ADGB: variants seen among roughly 807,000 people sequenced by gnomAD.
ADGB encodes calpain-7-like protein.
In ADGB, 172 loss-of-function variants were observed where a neutral mutation model predicts 210.5. The ratio of observed to expected loss-of-function variants is 0.82; its 90% CI spans 0.72 to 0.93. ADGB has a LOEUF of 0.93. Ranked by LOEUF, ADGB falls within the 40% of genes least tolerant of loss-of-function variation. The probability of loss-of-function intolerance (pLI) is 0.00; values close to 1 mark genes in which losing one functional copy is unlikely to be tolerated. For missense variants in ADGB, 2,025 were observed against 1,964.8 expected (o/e 1.03, Z -0.58); for synonymous variants, 658 against 662.7 (o/e 0.99, Z 0.11).
chr6:146,731,930 C>G (rs1452306041), intron 20 of ADGB, among the ~76,000 whole-genome samples: 1 of 152,138 alleles, frequency 6.6e-6, no homozygotes. Flanking sequence ...GCCAATCTTA[C>G]TTGCAACTTT....
chr6:146,621,037 A>G (rs535643656), intron 1 of ADGB, among the ~76,000 whole-genome samples: 20 of 152,304 alleles, frequency 1.3e-4, no homozygotes, highest in South Asian at 1.2e-3. Context: ...ACACTGCACT[A>G]TAACTAACAT....
intron 3 of ADGB, among the ~76,000 whole-genome samples, chr6:146,648,709 G>C (rs543117683): frequency 1.3e-5 from 2 of 151,490 alleles, no homozygotes; most frequent in Non-Finnish European, 2.9e-5. Flanking sequence ...ATTAGATTTG[G>C]GTGGGGACAC....
chr6:146,741,047 G>T, intron 24 of ADGB, 71 bp from the exon 25 acceptor site: 1 of 1,247,064 alleles, frequency 8.0e-7, no homozygotes, highest in Non-Finnish European at 1.1e-6. Context: ...AAATTTCTTG[G>T]CATTAATGCA....
At chr6:146,796,634 A>C (rs1182565421) in intron 33 of ADGB, among the ~76,000 whole-genome samples, 1 of 152,194 alleles carries the variant, frequency 6.6e-6, no homozygotes, top group Non-Finnish European at 1.5e-5. Context: ...TTTTCAACAA[A>C]TGGTGCTGGG....
intron 29 of ADGB, among the ~76,000 whole-genome samples, chr6:146,776,773 A>G (rs259412): frequency 0.46 from 70,480 of 152,010 alleles, 17,902 homozygotes; most frequent in Admixed American, 0.59. Context: ...CAGTGGGTGT[A>G]TGATACCAGA....
At chr6:146,783,441 C>A (rs1338310982) in intron 30 of ADGB, among the ~76,000 whole-genome samples, 1 of 152,092 alleles carries the variant, frequency 6.6e-6, no homozygotes, top group Non-Finnish European at 1.5e-5. Context: ...AGAAGACCTC[C>A]CTTAGTACCT....
chr6:146,739,333 T>C (rs565396398), intron 23 of ADGB, among the ~76,000 whole-genome samples: 2 of 152,270 alleles, frequency 1.3e-5, no homozygotes, highest in African/African-American at 4.8e-5. Flanking sequence ...AACTAGGACA[T>C]TGACAAGAAA....
rs115019191 is a variant in ADGB, at chr6:146,690,509, A to G, written c.1312-607A>G. 4.1e-3 allele frequency among the ~76,000 whole-genome samples: 621 copies of G among 152,260 alleles called. 2 individuals carry two copies. The highest frequency in any genetic ancestry group is 0.014 in the African/African-American group (599 of 41,562). On this transcript the variant is annotated intron_variant, in intron 10 of 35. Transcript: ENST00000397944. The stretch of plus-strand genomic sequence containing the variant: ...GCCGTAAATCAGTAACGTAAGTTCT[A>G]CTTAGCTGTTATTCTGAATTATTCC...
At chr6:146,660,768 A>G (rs1775843955) in intron 5 of ADGB, among the ~76,000 whole-genome samples, 1 of 152,146 alleles carries the variant, frequency 6.6e-6, no homozygotes, top group African/African-American at 2.4e-5. Context: ...TACCATATGG[A>G]GTTATTCCAT....
At position 146,733,938 on chromosome 6, in the gene ADGB, A is replaced by T; in HGVS notation, c.2702A>T (p.Glu901Val). Residue 901 changes from glutamate (E) to valine (V), a missense_variant, in exon 22 of 36, where the codon GAG (glutamate) becomes GTG (valine). Glu to Val is a moderately radical substitution (Grantham distance 121). Transcript: ENST00000397944. ...TATTGTATGCCCACAAGTGATAAAG[A>T]GTATTCTGCTGAGGAAGTAGCAGCA... ...VKYCMPTSDK[E>V]YSAEEVAAAI... 2 of 1,551,718 alleles carry T rather than the reference A, an allele frequency of 1.3e-6. No homozygotes were observed. The highest frequency in any genetic ancestry group is 1.7e-6 in the Non-Finnish European group (2 of 1,146,978).
chr6:146,761,300 T>C (rs1777485706), intron 27 of ADGB, among the ~76,000 whole-genome samples: 1 of 152,018 alleles, frequency 6.6e-6, no homozygotes, highest in Non-Finnish European at 1.5e-5. Flanking sequence ...ATTATCTTTA[T>C]TCCCATGTAG....
At chr6:146,723,865 A>G (rs1440089567) in intron 17 of ADGB, among the ~76,000 whole-genome samples, 1 of 152,202 alleles carries the variant, frequency 6.6e-6, no homozygotes, top group Non-Finnish European at 1.5e-5. Flanking sequence ...CTAGAAGGAT[A>G]TTGTAGTTAT....
chr6:146,618,402 A>C (rs1451235536), intron 1 of ADGB, among the ~76,000 whole-genome samples: 1 of 151,274 alleles, frequency 6.6e-6, no homozygotes, highest in Non-Finnish European at 1.5e-5. Context: ...CTTTTCTTCC[A>C]CTAATGTTGT....
intron 15 of ADGB, 64 bp downstream of exon 15, chr6:146,717,133 A>G: frequency 7.8e-7 from 1 of 1,285,388 alleles, no homozygotes; most frequent in East Asian, 2.6e-5. Context: ...CTGCATTAGT[A>G]TACAAAGTCA....
In ADGB at chr6:146,635,385, T is replaced by A; in HGVS notation, c.85T>A (p.Phe29Ile). 1 of 1,517,324 alleles carries A rather than the reference T, an allele frequency of 6.6e-7. No individual in the cohort carries two copies. Among genetic ancestry groups the A allele is most frequent in the Non-Finnish European group, 8.8e-7 (1 of 1,131,268 alleles). 94.0% of individuals were successfully genotyped at this position (1,517,324 alleles called of 1,614,324 possible). A position where few individuals can be genotyped will look rare whatever the true frequency, so the allele number is the denominator to read the frequency against. Residue 29 changes from phenylalanine (F) to isoleucine (I), a missense_variant, in exon 2 of 36, where the codon TTT becomes ATT. Coordinates refer to ENST00000397944, the MANE Select transcript of ADGB (RefSeq NM_024694.4). ...GSDKSKDFYP[F>I]GSNVQSGSTE... Reference sequence around the variant, plus strand: ...TCTGTCTCTGTCTAGTTTCTATCCTTTTGGCAGTAATGTACAATCTGGTTC... The same window carrying A: ...TCTGTCTCTGTCTAGTTTCTATCCTATTGGCAGTAATGTACAATCTGGTTC...
intron 7 of ADGB, among the ~76,000 whole-genome samples, chr6:146,668,987 T>A (rs1057264165): frequency 6.6e-6 from 1 of 152,050 alleles, no homozygotes; most frequent in Non-Finnish European, 1.5e-5. Flanking sequence ...AGTTATATGG[T>A]CTCATTCCGT....
At chr6:146,603,842 G>T (rs1317944650) in intron 1 of ADGB, among the ~76,000 whole-genome samples, 1 of 152,154 alleles carries the variant, frequency 6.6e-6, no homozygotes, top group Non-Finnish European at 1.5e-5. Context: ...TAGATTAAGT[G>T]AATTCTTTCT....
At chr6:146,691,679 T>A (rs1055434983) in intron 11 of ADGB, among the ~76,000 whole-genome samples, 1 of 148,562 alleles carries the variant, frequency 6.7e-6, no homozygotes, top group Non-Finnish European at 1.5e-5. Context: ...ATTTTATGTC[T>A]TTAAAGGATT....
chr6:146,623,177 T>C (rs138059801), intron 1 of ADGB, among the ~76,000 whole-genome samples: 1 of 152,068 alleles, frequency 6.6e-6, no homozygotes, highest in East Asian at 1.9e-4. Flanking sequence ...TTTGGGTCCA[T>C]ATGAGATTTA....
Sources: gnomAD v4.1 joint callset for allele counts (sites outside exome capture counted in the v4.1 genomes callset) on GRCh38, gnomAD v4.1.1 for gene constraint, MANE v1.5 for transcripts, NCBI Gene and HGNC (gene_info 2026-07-23, HGNC 2026-07-21) for gene names.